LIFR: variants seen among roughly 807,000 people sequenced by gnomAD.
The protein encoded by LIFR is leukemia inhibitory factor receptor.
Under a neutral mutation model 122.2 loss-of-function variants are expected in LIFR, and 84 were observed. The observed-to-expected ratio is 0.69, with a 90% CI of 0.58 to 0.82. LIFR has a LOEUF of 0.82. Among genes scored for constraint, LIFR ranks in the 40% least tolerant of loss-of-function variants. The pLI is 0.00. For synonymous variants in LIFR, 422 were observed against 434.7 expected (o/e 0.97, Z 0.36); for missense variants, 1,294 against 1,311.6 (o/e 0.99, Z 0.21).
At chr5:38,567,576 C>T (rs190799958) in intron 1 of LIFR, among the ~76,000 whole-genome samples, 148 of 149,784 alleles carry the variant, frequency 9.9e-4, no homozygotes, top group African/African-American at 3.3e-3. Context: ...GTTGCCCAGG[C>T]TGGAGTGCAG....
chr5:38,511,430 C>T (rs1352213252), intron 6 of LIFR, among the ~76,000 whole-genome samples: 1 of 151,584 alleles, frequency 6.6e-6, no homozygotes, highest in African/African-American at 2.4e-5. Context: ...ACTATGCAGC[C>T]TCTAGGGGTC....
Position 38,476,518 on chromosome 5 carries a change from T to C in LIFR, c.*5077A>G, listed in dbSNP as rs2112333047. ...AGGGCAACACATAGGATCTATGTTG[T>C]TAGCTTTTTTTTTTTTAAAGTTCTG... On this transcript the variant is annotated 3_prime_UTR_variant, in exon 20 of 20. Transcript: ENST00000453190. 1 of 197,856 alleles carries C rather than the reference T, an allele frequency of 5.1e-6. No individual in the cohort carries two copies. Among genetic ancestry groups the C allele is most frequent in the Middle Eastern group, 1.6e-3 (1 of 624 alleles). The allele number at this position is 197,856 out of a possible 1,614,324, so 12.3% of individuals were successfully genotyped here.
Position 38,477,249 on chromosome 5 carries a change from C to T in LIFR, c.*4346G>A, listed in dbSNP as rs184642499. 1.9e-4 allele frequency: 41 copies of T among 219,572 alleles called. No homozygotes were observed. The East Asian group carries it at 2.4e-3, about 13-fold the overall frequency. The allele number at this position is 219,572 out of a possible 1,614,324, so 13.6% of individuals were successfully genotyped here. On this transcript the variant is annotated 3_prime_UTR_variant, in exon 20 of 20. Coordinates refer to ENST00000453190, the MANE Select transcript of LIFR (RefSeq NM_001127671.2). ...GGTACATAATCCATAAAGATAAAAA[C>T]GAACCAAATTCAAGCCAAGTAATTT...
At chr5:38,602,449 G>A (rs925310522) in intron 2 of LIFR, among the ~76,000 whole-genome samples, 11 of 151,630 alleles carry the variant, frequency 7.3e-5, no homozygotes, top group African/African-American at 1.2e-4. Context: ...GGATTAAGTC[G>A]TTCAAGCCCC....
intron 12 of LIFR, among the ~76,000 whole-genome samples, chr5:38,497,708 GA>G (rs746903452): frequency 3.3e-5 from 5 of 151,984 alleles, no homozygotes; most frequent in Non-Finnish European, 7.4e-5. Flanking sequence ...TCTAGGTATA[GA>G]TTTTTTTACT....
Position 38,589,170 on chromosome 5 carries a change from A to AT in LIFR, c.-20+6090dup, listed in dbSNP as rs543957643. Among the ~76,000 whole-genome samples, 594 of 146,236 alleles carry AT rather than the reference A, an allele frequency of 4.1e-3. 5 individuals carry two copies. The highest frequency in any genetic ancestry group is 0.016 in the East Asian group (82 of 5,022). Reference sequence around the variant, plus strand: ...CTGCCACCACGCCCAGCTAATTTTTATTTTTTTTTTGTATTTTTAGTAGAG... The same window carrying AT: ...CTGCCACCACGCCCAGCTAATTTTTATTTTTTTTTTTGTATTTTTAGTAGAG... On this transcript the variant is annotated intron_variant, in intron 1 of 19. Coordinates refer to the LIFR transcript ENST00000263409.
chr5:38,607,513 A>ACTCTCTCTCTCT (rs60564000), intron 1 of LIFR: 4 of 147,778 alleles, frequency 2.7e-5, no homozygotes, highest in African/African-American at 1.0e-4. Flanking sequence ...TCTCATATGC[A>ACTCTCTCTCTCT]CTCTCTCTCT....
chr5:38,489,146 A>T lies in LIFR; in HGVS notation c.2267T>A (p.Leu756Ter). The T allele has an allele frequency of 6.2e-7, 1 of 1,612,724 alleles. No individual in the cohort carries two copies. Among genetic ancestry groups the T allele is most frequent in the Non-Finnish European group, 8.5e-7 (1 of 1,178,926 alleles). ...DIPVEELRGF[L>*]RGYLFYFGKG... ...TCCAAAGTAAAACAAATATCCTCTT[A>T]AAAAGCCTCTAAGTTCTTCCACAGG... is the stretch of plus-strand genomic sequence containing the variant. Residue 756 changes from leucine (L) to a stop codon, truncating the protein, a stop_gained, in exon 16 of 20, where the codon TTA becomes TAA. Transcript: ENST00000453190. LOFTEE classifies it high-confidence loss of function.
chr5:38,504,422 AAAAAAG>A (rs1745348023), intron 9 of LIFR, among the ~76,000 whole-genome samples: 1 of 151,570 alleles, frequency 6.6e-6, no homozygotes, highest in South Asian at 2.1e-4. Context: ...GACCAAAAAA[AAAAAAG>A]AAAAGAAAAA....
intron 1 of LIFR, among the ~76,000 whole-genome samples, chr5:38,549,986 G>A (rs1034105111): frequency 1.2e-4 from 18 of 152,150 alleles, no homozygotes; most frequent in Non-Finnish European, 2.4e-4. Flanking sequence ...GTATCGACAG[G>A]AGTATGGTGC....
chr5:38,534,477 G>A (rs1171442775), intron 1 of LIFR, among the ~76,000 whole-genome samples: 1 of 151,666 alleles, frequency 6.6e-6, no homozygotes, highest in African/African-American at 2.4e-5. Context: ...GATGTTTCAA[G>A]GAGATTAACT....
intron 1 of LIFR, among the ~76,000 whole-genome samples, chr5:38,544,252 C>G (rs961865792): frequency 6.6e-6 from 1 of 152,142 alleles, no homozygotes; most frequent in African/African-American, 2.4e-5. Flanking sequence ...CTTTCAAAAA[C>G]AGCCATCAGA....
At chr5:38,590,388 C>A (rs1749886005) in intron 1 of LIFR, among the ~76,000 whole-genome samples, 1 of 152,030 alleles carries the variant, frequency 6.6e-6, no homozygotes, top group African/African-American at 2.4e-5. Flanking sequence ...TTCCTTGGAC[C>A]CTAGAGACCC....
rs980079512 is a variant in LIFR at position 38,490,266 on chromosome 5, A to G, written c.2091T>C (p.Tyr697=). 4.5e-6 allele frequency: 7 copies of G among 1,565,154 alleles called. No homozygotes were observed. The highest frequency in any genetic ancestry group is 2.7e-5 in the African/African-American group (2 of 73,968). ...ESDEFRPGIR[Y]NFFLYGCRNQ... ...TTCTGCATCCATACAGGAAAAAATT[A>G]TATCTTATACCTGGTCGAAACTCAT... Residue 697 remains tyrosine, a synonymous_variant, in exon 15 of 20, where the codon TAT becomes TAC. Transcript: ENST00000453190.
rs1287910245 is a variant in LIFR at position 38,499,115 on chromosome 5, A to G, written c.1671+398T>C. Among the ~76,000 whole-genome samples the G allele has an allele frequency of 2.0e-5, 3 of 152,360 alleles. No homozygotes were observed. In the East Asian group the frequency reaches 5.8e-4, roughly 29 times the overall value. On this transcript the variant is annotated intron_variant, in intron 12 of 19. Transcript: ENST00000453190. ...TACAAAACTTTATAACTGGCATGTT[A>G]TAATGCAATTTATTGAAGGGAAATA...
intron 1 of LIFR, among the ~76,000 whole-genome samples, chr5:38,592,554 G>A (rs1749955439): frequency 6.6e-6 from 1 of 151,860 alleles, no homozygotes; most frequent in Non-Finnish European, 1.5e-5. Context: ...CTACTCAGGA[G>A]GCTGAGGCAC....
intron 15 of LIFR, 152 bp from the exon 16 acceptor site, chr5:38,489,397 G>T (rs192299767): frequency 1.4e-6 from 1 of 719,706 alleles, no homozygotes; most frequent in Non-Finnish European, 2.4e-6. Flanking sequence ...GATCACAAAC[G>T]CTTTTTTTGT....
intron 1 of LIFR, among the ~76,000 whole-genome samples, chr5:38,582,516 G>A (rs1343699397): frequency 6.6e-6 from 1 of 152,002 alleles, no homozygotes; most frequent in Non-Finnish European, 1.5e-5. Context: ...AAACAGCCTT[G>A]GGCATTTATA....
At chr5:38,529,668 G>A (rs1333677893) in intron 2 of LIFR, among the ~76,000 whole-genome samples, 1 of 151,854 alleles carries the variant, frequency 6.6e-6, no homozygotes, top group African/African-American at 2.4e-5. Flanking sequence ...AGGGAAGAAA[G>A]GAGGGAAACA....
Sources: gnomAD v4.1 joint callset for allele counts (sites outside exome capture counted in the v4.1 genomes callset) on GRCh38, gnomAD v4.1.1 for gene constraint, MANE v1.5 for transcripts, NCBI Gene and HGNC (gene_info 2026-07-23, HGNC 2026-07-21) for gene names.